The following PAPSS1 variants were observed in gnomAD, a reference collection of about 807,000 sequenced individuals.
The protein encoded by PAPSS1 is 3'-phosphoadenosine 5'-phosphosulfate synthase 1.
PAPSS1 carries 50 observed loss-of-function variants against 72.0 expected under a neutral mutation model. The ratio of observed to expected loss-of-function variants is 0.69; its 90% CI spans 0.55 to 0.88. The LOEUF (loss-of-function observed/expected upper bound fraction) is 0.88. Ranked by LOEUF, PAPSS1 falls within the 40% of genes least tolerant of loss-of-function variation. The probability of loss-of-function intolerance (pLI) is 0.00; values close to 1 mark genes in which losing one functional copy is unlikely to be tolerated. For synonymous variants in PAPSS1, 261 were observed against 263.6 expected (o/e 0.99, Z 0.09); for missense variants, 657 against 782.2 (o/e 0.84, Z 1.91).
chr4:107,617,833 C>T (rs1469214524), intron 11 of PAPSS1, among the ~76,000 whole-genome samples: 2 of 152,074 alleles, frequency 1.3e-5, no homozygotes, highest in Non-Finnish European at 2.9e-5. Flanking sequence ...ATTCAATGTG[C>T]AAGAAATGTC....
chr4:107,686,587 C>A (rs1722793110), intron 4 of PAPSS1, among the ~76,000 whole-genome samples: 1 of 152,156 alleles, frequency 6.6e-6, no homozygotes, highest in Non-Finnish European at 1.5e-5. Context: ...AACAATAGTA[C>A]ATGAAATGAA....
chr4:107,683,123 C>G (rs763266081), intron 4 of PAPSS1, among the ~76,000 whole-genome samples: 5 of 151,976 alleles, frequency 3.3e-5, no homozygotes, highest in African/African-American at 1.2e-4. Context: ...TTGTCTATCT[C>G]GGAAAGCTTA....
chr4:107,711,429 A>G (rs1723492587), intron 1 of PAPSS1, among the ~76,000 whole-genome samples: 1 of 152,242 alleles, frequency 6.6e-6, no homozygotes, highest in African/African-American at 2.4e-5. Context: ...CTGTAAGGAA[A>G]ATCAACTTCT....
At chr4:107,621,571 A>T (rs982027164) in intron 11 of PAPSS1, among the ~76,000 whole-genome samples, 67 of 149,302 alleles carry the variant, frequency 4.5e-4, no homozygotes, top group African/African-American at 1.5e-3. Flanking sequence ...CTAGTTAGCC[A>T]CAAAGAAGAA....
At chr4:107,688,197 T>G (rs1722836633) in intron 3 of PAPSS1, among the ~76,000 whole-genome samples, 1 of 152,132 alleles carries the variant, frequency 6.6e-6, no homozygotes, top group South Asian at 2.1e-4. Flanking sequence ...GCATTCCCCC[T>G]TTGCTGGGTT....
chr4:107,665,963 T>C (rs900461988), intron 5 of PAPSS1, among the ~76,000 whole-genome samples: 22 of 152,220 alleles, frequency 1.4e-4, no homozygotes, highest in African/African-American at 4.8e-4. Flanking sequence ...TTCCTTTAAA[T>C]ACTTTCTGTA....
intron 1 of PAPSS1, among the ~76,000 whole-genome samples, chr4:107,704,507 C>T (rs373605403): frequency 3.9e-5 from 6 of 152,142 alleles, no homozygotes; most frequent in Admixed American, 2.0e-4. Context: ...GCCCTTATTA[C>T]GTTGAAGTAC....
intron 10 of PAPSS1, among the ~76,000 whole-genome samples, chr4:107,635,328 T>C (rs1368131120): frequency 6.6e-6 from 1 of 152,192 alleles, no homozygotes; most frequent in Non-Finnish European, 1.5e-5. Context: ...TTAACTTTTA[T>C]ACTGTATTTT....
chr4:107,679,917 T>G (rs1016173145), intron 5 of PAPSS1, among the ~76,000 whole-genome samples: 2 of 152,150 alleles, frequency 1.3e-5, no homozygotes, highest in Non-Finnish European at 2.9e-5. Context: ...AATGACAGAA[T>G]TGTTTTTTAA....
intron 5 of PAPSS1, among the ~76,000 whole-genome samples, chr4:107,673,632 T>C (rs961792295): frequency 2.0e-5 from 3 of 152,030 alleles, no homozygotes; most frequent in Admixed American, 6.6e-5. Flanking sequence ...TGCAGGATAT[T>C]ATCCAGGAGA....
intron 4 of PAPSS1, among the ~76,000 whole-genome samples, chr4:107,686,091 T>C (rs1298728618): frequency 1.3e-5 from 2 of 152,256 alleles, no homozygotes; most frequent in African/African-American, 4.8e-5. Flanking sequence ...ATAAATAGTA[T>C]GATTAATATC....
At chr4:107,695,719 GC>G (rs1010991140) in intron 2 of PAPSS1, among the ~76,000 whole-genome samples, 1 of 152,082 alleles carries the variant, frequency 6.6e-6, no homozygotes, top group African/African-American at 2.4e-5. Flanking sequence ...TTTATCAAAG[GC>G]CCTTCCTGTG....
chr4:107,703,856 T>C (rs1723270134), intron 1 of PAPSS1, among the ~76,000 whole-genome samples: 1 of 152,228 alleles, frequency 6.6e-6, no homozygotes, highest in South Asian at 2.1e-4. Context: ...TCCATACAAA[T>C]TTTAGAACTG....
intron 5 of PAPSS1, among the ~76,000 whole-genome samples, chr4:107,677,882 T>C (rs575798306): frequency 6.4e-4 from 98 of 152,320 alleles, no homozygotes; most frequent in African/African-American, 2.3e-3. Flanking sequence ...TCATGTCCTT[T>C]GTAGGGACAT....
chr4:107,619,515 T>C (rs990456951), intron 11 of PAPSS1, among the ~76,000 whole-genome samples: 2 of 152,126 alleles, frequency 1.3e-5, no homozygotes, highest in African/African-American at 4.8e-5. Flanking sequence ...CAAAATCAAA[T>C]CATATTTTTC....
chr4:107,687,270 T>TACTCATTAAAGATGAGTAAAA, intron 3 of PAPSS1, 93 bp from the exon 4 acceptor site: 1 of 864,638 alleles, frequency 1.2e-6, no homozygotes, highest in Non-Finnish European at 1.6e-6. Flanking sequence ...TCATCCAATT[T>TACTCATTAAAGATGAGTAAAA]AGTGGGAAAT....
At chr4:107,706,986 G>A (rs1053437308) in intron 1 of PAPSS1, among the ~76,000 whole-genome samples, 3 of 152,236 alleles carry the variant, frequency 2.0e-5, no homozygotes, top group Non-Finnish European at 4.4e-5. Context: ...CATGGGAGCT[G>A]ACCTAGATGC....
intron 11 of PAPSS1, among the ~76,000 whole-genome samples, chr4:107,630,019 TA>T (rs905280158): frequency 1.3e-5 from 2 of 152,088 alleles, no homozygotes; most frequent in African/African-American, 4.8e-5. Flanking sequence ...TTCCTAATCT[TA>T]AAAAATCTTT....
chr4:107,643,824 T>C (rs536718846), intron 10 of PAPSS1, among the ~76,000 whole-genome samples: 1 of 152,354 alleles, frequency 6.6e-6, no homozygotes, highest in African/African-American at 2.4e-5. Flanking sequence ...TTAATGCTTC[T>C]GTAACTCAAA....
Sources: gnomAD v4.1 joint callset for allele counts (sites outside exome capture counted in the v4.1 genomes callset) on GRCh38, gnomAD v4.1.1 for gene constraint, MANE v1.5 for transcripts, NCBI Gene and HGNC (gene_info 2026-07-23, HGNC 2026-07-21) for gene names.